The following SLC25A10 variants were observed in gnomAD, a reference collection of about 807,000 sequenced individuals.
SLC25A10 encodes solute carrier family 25 member 10, also known as mitochondrial dicarboxylate carrier.
A neutral mutation model predicts 40.4 loss-of-function variants in SLC25A10; 32 were observed. The observed-to-expected ratio is 0.79, with a 90% CI of 0.60 to 1.06. SLC25A10 has a LOEUF of 1.06. Ranked by LOEUF, SLC25A10 falls within the 50% of genes least tolerant of loss-of-function variation. The pLI is 0.00. For synonymous variants in SLC25A10, 181 were observed against 171.1 expected (o/e 1.06, Z -0.45); for missense variants, 394 against 402.6 (o/e 0.98, Z 0.18).
rs762092027 is a variant in SLC25A10, at chr17:81,714,997, C to T, written c.138C>T (p.Gly46=). 6.2e-7 allele frequency: 1 copy of T among 1,609,914 alleles called. No homozygotes were observed. The highest frequency in any genetic ancestry group is 1.7e-5 in the Admixed American group (1 of 60,002). Reference sequence around the variant, plus strand: ...AGGAGGTGAAGCTGCGCATGACGGGCATGGCGCTGCGGGTGGTGCGTACCG... The same window carrying T: ...AGGAGGTGAAGCTGCGCATGACGGGTATGGCGCTGCGGGTGGTGCGTACCG... ...TQQEVKLRMT[G]MALRVVRTDG... The change falls in exon 2 of 11, where the codon GGC becomes GGT. Residue 46 remains glycine, a synonymous_variant. Coordinates refer to ENST00000350690, the MANE Select transcript of SLC25A10 (RefSeq NM_012140.5).
chr17:81,720,434 A>T lies in SLC25A10; in HGVS notation c.*357A>T, dbSNP rs1218947546. 2 of 1,364,328 alleles carry T rather than the reference A, an allele frequency of 1.5e-6. No homozygotes were observed. The highest frequency in any genetic ancestry group is 2.9e-5 in the African/African-American group (2 of 68,242). 84.5% of individuals were successfully genotyped at this position (1,364,328 alleles called of 1,614,324 possible). On this transcript the variant is annotated 3_prime_UTR_variant, in exon 11 of 11. Transcript: ENST00000350690. ...CCCTGCCTCCTGCCCCCGATGCCCA[A>T]AGCAGCATCTTCCAGCACTTTCCAT...
chr17:81,720,570 G>T lies in SLC25A10; in HGVS notation c.*493G>T. The T allele has an allele frequency of 8.0e-7, 1 of 1,242,646 alleles. No homozygotes were observed. Among genetic ancestry groups the T allele is most frequent in the Non-Finnish European group, 1.0e-6 (1 of 988,046 alleles). 77.0% of individuals were successfully genotyped at this position (1,242,646 alleles called of 1,614,324 possible). A position where few individuals can be genotyped will look rare whatever the true frequency, so the allele number is the denominator to read the frequency against. On this transcript the variant is annotated 3_prime_UTR_variant, in exon 11 of 11. Coordinates refer to ENST00000350690, the MANE Select transcript of SLC25A10 (RefSeq NM_012140.5). ...ACCAGACCTTCCATGTCCTCGGGCA[G>T]CTGCAACTCCCCGCGAGACCCCGCA...
Position 81,720,196 on chromosome 17 carries a change from C to T in SLC25A10, c.*119C>T. 4 of 1,497,770 alleles carry T rather than the reference C, an allele frequency of 2.7e-6. No homozygotes were observed. In the South Asian group the frequency reaches 3.9e-5, roughly 15 times the overall value. The allele number at this position is 1,497,770 out of a possible 1,614,324, so 92.8% of individuals were successfully genotyped here. A position where few individuals can be genotyped will look rare whatever the true frequency, so the allele number is the denominator to read the frequency against. On this transcript the variant is annotated 3_prime_UTR_variant, in exon 11 of 11. Coordinates refer to ENST00000350690, the MANE Select transcript of SLC25A10 (RefSeq NM_012140.5). ...CCTGGCCGTGGCCACCCGTCCTCCGCAGCAGGCCCCTGCTGTCCCCCCACC... is the reference window on the plus strand; with the variant it reads ...CCTGGCCGTGGCCACCCGTCCTCCGTAGCAGGCCCCTGCTGTCCCCCCACC...
chr17:81,716,102 G>T, intron 5 of SLC25A10, 52 bp downstream of exon 5: 1 of 1,552,980 alleles, frequency 6.4e-7, no homozygotes, highest in Non-Finnish European at 8.7e-7. Flanking sequence ...AGGCTCGGGC[G>T]GGAGCGGACC....
intron 8 of SLC25A10, 92 bp downstream of exon 8, chr17:81,717,583 G>A (rs1379671814): frequency 6.8e-7 from 1 of 1,477,812 alleles, no homozygotes; most frequent in African/African-American, 1.4e-5. Context: ...GGGAGGCGGG[G>A]GCCTTGGGCA....
intron 2 of SLC25A10, 114 bp from the exon 3 acceptor site, chr17:81,715,364 C>G (rs1206179262): frequency 2.1e-6 from 2 of 947,920 alleles, no homozygotes; most frequent in East Asian, 4.8e-5. Context: ...TTGGGAAGGC[C>G]CCTCAGGGTC....
At position 81,720,031 on chromosome 17, in the gene SLC25A10, T is replaced by G; in HGVS notation, c.818T>G (p.Phe273Cys). ...LIPHTVLTFVFLEQLRKNFGI... is the reference protein window; with the variant it reads ...LIPHTVLTFVCLEQLRKNFGI... ...CCCCACACCGTGCTCACTTTTGTGTTTCTGGAACAGCTACGCAAAAACTTT... is the reference window on the plus strand; with the variant it reads ...CCCCACACCGTGCTCACTTTTGTGTGTCTGGAACAGCTACGCAAAAACTTT... The change falls in exon 11 of 11, where the codon TTT (phenylalanine) becomes TGT (cysteine). Residue 273 changes from phenylalanine (F) to cysteine (C), a missense_variant. By Grantham distance (205) the Phe-to-Cys change is radical (BLOSUM62 -2). Transcript: ENST00000350690. 6.2e-7 allele frequency: 1 copy of G among 1,613,726 alleles called. No homozygotes were observed. The highest frequency in any genetic ancestry group is 1.1e-5 in the South Asian group (1 of 91,086).
rs1598213144 is a variant in SLC25A10, at chr17:81,716,901, AG to A, written c.463+49del. 2.2e-6 allele frequency: 3 copies of A among 1,340,168 alleles called. No homozygotes were observed. The East Asian group carries it at 7.4e-5, about 33-fold the overall frequency. 83.0% of individuals were successfully genotyped at this position (1,340,168 alleles called of 1,614,324 possible). On this transcript the variant is annotated intron_variant, in intron 6 of 10. Transcript: ENST00000350690. ...ACAGGCAGGGTTCTGGGGGGCAGGC[AG>A]GGTGGGCAGCGCTGTAGAAGACTGG...
rs1048855807 is a variant in SLC25A10, at chr17:81,717,495, A to T, written c.627+4A>T. The T allele has an allele frequency of 8.1e-6, 13 of 1,613,482 alleles. No homozygotes were observed. Among genetic ancestry groups the T allele is most frequent in the Non-Finnish European group, 1.1e-5 (13 of 1,179,810 alleles). On this transcript the variant is annotated splice_donor_region_variant and intron_variant, in intron 8 of 10. Coordinates refer to ENST00000350690, the MANE Select transcript of SLC25A10 (RefSeq NM_012140.5). ...CTTTGTCGCCAGCTTTATTGCAGTA[A>T]GTGGCCGGCATGGCTAGGGTGGGCG... is the stretch of plus-strand genomic sequence containing the variant.
Position 81,712,422 on chromosome 17 carries a change from G to A in SLC25A10, c.-5G>A. 7.7e-7 allele frequency: 1 copy of A among 1,301,440 alleles called. No individual in the cohort carries two copies. Among genetic ancestry groups the A allele is most frequent in the Non-Finnish European group, 9.7e-7 (1 of 1,026,560 alleles). 80.6% of individuals were successfully genotyped at this position (1,301,440 alleles called of 1,614,324 possible). A position where few individuals can be genotyped will look rare whatever the true frequency, so the allele number is the denominator to read the frequency against. On this transcript the variant is annotated 5_prime_UTR_variant, in exon 1 of 11. Transcript: ENST00000350690. Reference sequence around the variant, plus strand: ...GGTCGGGCCGGGATTGGGCTCTCCTGGGCCATGGCAGCCGAGGCGCGCGTG... The same window carrying A: ...GGTCGGGCCGGGATTGGGCTCTCCTAGGCCATGGCAGCCGAGGCGCGCGTG...
In SLC25A10 at chr17:81,716,806, C is replaced by T. The variant is rs201867114; in HGVS notation, c.420-6C>T. On this transcript the variant is annotated splice_region_variant and splice_polypyrimidine_tract_variant and intron_variant, in intron 5 of 10. Transcript: ENST00000350690. ...GTCTCATGTGGTCATTCTGTGTCCC[C>T]GGCAGCTACGCCCATGCGCTGGATG... 502 of 1,605,728 alleles carry T rather than the reference C, an allele frequency of 3.1e-4. 2 individuals are homozygous for T. The highest frequency in any genetic ancestry group is 3.1e-3 in the South Asian group (276 of 89,444).
intron 1 of SLC25A10, among the ~76,000 whole-genome samples, chr17:81,714,173 G>C (rs1470600401): frequency 6.6e-6 from 1 of 152,232 alleles, no homozygotes; most frequent in Non-Finnish European, 1.5e-5. Context: ...GTCACACTGA[G>C]CGGCGGAAGG....
intron 2 of SLC25A10, 91 bp downstream of exon 2, chr17:81,715,163 G>A (rs1348714774): frequency 6.5e-7 from 1 of 1,528,860 alleles, no homozygotes; most frequent in Admixed American, 1.9e-5. Flanking sequence ...TCAAGACTTT[G>A]TGCAAGGAAG....
chr17:81,720,710 A>G lies in SLC25A10; in HGVS notation c.*633A>G. 1 of 408,224 alleles carries G rather than the reference A, an allele frequency of 2.4e-6. No homozygotes were observed. The highest frequency in any genetic ancestry group is 4.2e-6 in the Non-Finnish European group (1 of 235,496). The allele number at this position is 408,224 out of a possible 1,614,324, so 25.3% of individuals were successfully genotyped here. ...GTCGAGGGCCACCGAGGTCCCGCGCACCGCTGCCTGCCCTGCAGTGGCTTT... is the reference window on the plus strand; with the variant it reads ...GTCGAGGGCCACCGAGGTCCCGCGCGCCGCTGCCTGCCCTGCAGTGGCTTT... On this transcript the variant is annotated 3_prime_UTR_variant, in exon 11 of 11. Coordinates refer to ENST00000350690, the MANE Select transcript of SLC25A10 (RefSeq NM_012140.5).
chr17:81,719,954 C>T, intron 10 of SLC25A10, 22 bp from the exon 11 acceptor site: 3 of 1,613,734 alleles, frequency 1.9e-6, no homozygotes, highest in South Asian at 1.1e-5. Flanking sequence ...CTGTGTCTCT[C>T]ATTTTCCCTG....
At chr17:81,712,786 A>C (rs1241523974) in intron 1 of SLC25A10, among the ~76,000 whole-genome samples, 1 of 152,210 alleles carries the variant, frequency 6.6e-6, no homozygotes, top group East Asian at 1.9e-4. Context: ...ATCCAGCCCC[A>C]GCTCTACACT....
chr17:81,715,475 C>A lies in SLC25A10; in HGVS notation c.214-3C>A. The A allele has an allele frequency of 6.2e-7, 1 of 1,611,296 alleles. No homozygotes were observed. The highest frequency in any genetic ancestry group is 2.2e-5 in the East Asian group (1 of 44,838). On this transcript the variant is annotated splice_polypyrimidine_tract_variant and splice_region_variant and intron_variant, in intron 2 of 10. Coordinates refer to ENST00000350690, the MANE Select transcript of SLC25A10 (RefSeq NM_012140.5). The stretch of plus-strand genomic sequence containing the variant: ...CCCTCCAAGCCAGGCCCTTCTCCCC[C>A]AGATGACCTACTCCCTGACTCGGTT...
chr17:81,716,894 G>T (rs773436433), intron 6 of SLC25A10, 39 bp downstream of exon 6: 1 of 1,608,022 alleles, frequency 6.2e-7, no homozygotes, highest in Non-Finnish European at 8.5e-7. Context: ...GGTTCTGGGG[G>T]GCAGGCAGGG....
intron 1 of SLC25A10, 88 bp from the exon 2 acceptor site, chr17:81,714,865 C>T: frequency 6.5e-7 from 1 of 1,549,198 alleles, no homozygotes; most frequent in Non-Finnish European, 8.7e-7. Context: ...CTTATCACTG[C>T]CTCCTGCCTC....
Sources: allele counts gnomAD v4.1 joint callset (sites outside exome capture counted in the v4.1 genomes callset), GRCh38; gene constraint gnomAD v4.1.1; transcripts MANE v1.5; gene names NCBI Gene and HGNC (gene_info 2026-07-23, HGNC 2026-07-21).